Variants in CPSF6 observed in about 807,000 individuals in gnomAD.
CPSF6 encodes cleavage and polyadenylation specificity factor subunit 6.
In CPSF6, 10 loss-of-function variants were observed where a neutral mutation model predicts 56.7. That is an observed-to-expected ratio of 0.18 (90% CI 0.11 to 0.30). The LOEUF (loss-of-function observed/expected upper bound fraction) is 0.30. Ranked by LOEUF, CPSF6 falls within the 10% of genes least tolerant of loss-of-function variation. The probability of loss-of-function intolerance (pLI) is 1.00; values close to 1 mark genes in which losing one functional copy is unlikely to be tolerated. For missense variants in CPSF6, 419 were observed against 722.9 expected, an observed-to-expected ratio of 0.58 and a Z score of 4.82; for synonymous variants, 248 against 244.8, an observed-to-expected ratio of 1.01 and a Z score of -0.12.
intron 9 of CPSF6, among the ~76,000 whole-genome samples, chr12:69,264,555 G>C (rs1872886538): frequency 6.6e-6 from 1 of 152,032 alleles, no homozygotes. Flanking sequence ...AACTATTGTT[G>C]ACATTTTTCT....
At chr12:69,239,936 G>A (rs1246637378) in intron 1 of CPSF6, among the ~76,000 whole-genome samples, 2 of 149,766 alleles carry the variant, frequency 1.3e-5, no homozygotes, top group African/African-American at 2.4e-5. Flanking sequence ...GCGCGGACGC[G>A]GGCCGCTGTG....
At chr12:69,257,673 T>C in intron 4 of CPSF6, 59 bp from the exon 5 acceptor site, 1 of 1,491,802 alleles carries the variant, frequency 6.7e-7, no homozygotes, top group Admixed American at 2.1e-5. Context: ...ATAATAGTGG[T>C]TACATTTCAG....
At position 69,257,720 on chromosome 12, in the gene CPSF6, G is replaced by C; in HGVS notation, c.521-12G>C. 1 of 1,595,974 alleles carries C rather than the reference G, an allele frequency of 6.3e-7. No individual in the cohort carries two copies. The highest frequency in any genetic ancestry group is 8.5e-7 in the Non-Finnish European group (1 of 1,173,282). On this transcript the variant is annotated splice_polypyrimidine_tract_variant and intron_variant, in intron 4 of 9. Transcript: ENST00000435070. ...TAATAAGTGCTATTTATGAGTATTT[G>C]GATATTTGCAGCTACACAATCAGGA...
chr12:69,261,799 T>G (rs1400948754), intron 8 of CPSF6, among the ~76,000 whole-genome samples: 2 of 152,222 alleles, frequency 1.3e-5, no homozygotes, highest in African/African-American at 4.8e-5. Context: ...TTCTACTTAT[T>G]AAATACAATG....
At chr12:69,266,628 C>CA (rs1873000179) in intron 9 of CPSF6, among the ~76,000 whole-genome samples, 1 of 151,916 alleles carries the variant, frequency 6.6e-6, no homozygotes, top group South Asian at 2.1e-4. Flanking sequence ...ACCTAATAAC[C>CA]AAAAAGGGGT....
Position 69,258,112 on chromosome 12 carries a change from A to C in CPSF6, c.694+207A>C. On this transcript the variant is annotated intron_variant, in intron 5 of 9. Transcript: ENST00000435070. The surrounding 1 kb of genome is among the most constrained non-coding windows in gnomAD (Gnocchi z 4.2). ...TAGGATTCCATGGCATATGGGGCAC[A>C]GCATAGAGGAAATACCCATTTTTGG... 1 of 1,536,006 alleles carries C rather than the reference A, an allele frequency of 6.5e-7. No homozygotes were observed. Among genetic ancestry groups the C allele is most frequent in the Non-Finnish European group, 8.7e-7 (1 of 1,146,546 alleles).
rs184440680 is a variant in CPSF6, at chr12:69,252,380, T to A, written c.271-671T>A. Among the ~76,000 whole-genome samples, 3 of 152,330 alleles carry A rather than the reference T, an allele frequency of 2.0e-5. No homozygotes were observed. The East Asian group carries it at 5.8e-4, about 29-fold the overall frequency. On this transcript the variant is annotated intron_variant, in intron 2 of 9. Coordinates refer to ENST00000435070, the MANE Select transcript of CPSF6 (RefSeq NM_007007.3). ...TTATGGTGCCCAGCCTATTTACATT[T>A]CTTTTAAAACTAAATGTAACAGATC...
rs1169194998 is a variant in CPSF6, at chr12:69,251,986, TA to T, written c.270+653del. On this transcript the variant is annotated intron_variant, in intron 2 of 9. Coordinates refer to ENST00000435070, the MANE Select transcript of CPSF6 (RefSeq NM_007007.3). Reference sequence around the variant, plus strand: ...CTTAGTTATATGTATACTTGAAAGTTAAAAACTTGTATATGCAAAAATCAAT... The same window carrying T: ...CTTAGTTATATGTATACTTGAAAGTTAAAACTTGTATATGCAAAAATCAAT... The T allele has an allele frequency of 3.7e-5, 17 of 455,380 alleles. No individual in the cohort carries two copies. The Admixed American group carries it at 4.0e-4, about 11-fold the overall frequency. The allele number at this position is 455,380 out of a possible 1,614,324, so 28.2% of individuals were successfully genotyped here.
intron 1 of CPSF6, among the ~76,000 whole-genome samples, chr12:69,244,864 C>T (rs1190596019): frequency 6.6e-6 from 1 of 152,080 alleles, no homozygotes; most frequent in Admixed American, 6.5e-5. Context: ...GGATAACTGC[C>T]TTCTTCTGTA....
At chr12:69,260,513 T>C (rs1243520259) in intron 8 of CPSF6, among the ~76,000 whole-genome samples, 2 of 152,180 alleles carry the variant, frequency 1.3e-5, no homozygotes, top group Non-Finnish European at 1.5e-5. Context: ...TCCTTTTCTT[T>C]AGGTACACCA....
At position 69,258,306 on chromosome 12, in the gene CPSF6, A is replaced by C. The variant is rs952550348; in HGVS notation, c.695-284A>C. 2 of 601,294 alleles carry C rather than the reference A, an allele frequency of 3.3e-6. No individual in the cohort carries two copies. Among genetic ancestry groups the C allele is most frequent in the Non-Finnish European group, 5.7e-6 (2 of 348,120 alleles). 37.2% of individuals were successfully genotyped at this position (601,294 alleles called of 1,614,324 possible). On this transcript the variant is annotated intron_variant, in intron 5 of 9. Coordinates refer to ENST00000435070, the MANE Select transcript of CPSF6 (RefSeq NM_007007.3). This position sits in a 1 kb window ranked among gnomAD's most constrained non-coding sequence, Gnocchi z 4.2. ...ATAAGGTGGGTGATTTCACTGTAAG[A>C]AGTGTGTGTACACGGAAAGATGGAA...
intron 1 of CPSF6, among the ~76,000 whole-genome samples, chr12:69,240,439 C>A (rs1245356349): frequency 6.6e-6 from 1 of 152,162 alleles, no homozygotes; most frequent in Non-Finnish European, 1.5e-5. Context: ...TAATCCAGGG[C>A]TTGCAGTGCT....
chr12:69,253,238 T>TTACACATGTA, intron 3 of CPSF6, 84 bp downstream of exon 3: 1 of 718,942 alleles, frequency 1.4e-6, no homozygotes, highest in Non-Finnish European at 2.4e-6. Flanking sequence ...TTAATGTTAA[T>TTACACATGTA]TACACATGTA....
chr12:69,253,238 T>C, intron 3 of CPSF6, 84 bp downstream of exon 3: 4 of 718,936 alleles, frequency 5.6e-6, no homozygotes, highest in Non-Finnish European at 9.5e-6. Context: ...TTAATGTTAA[T>C]TACACATGTA....
chr12:69,267,167 A>G (rs1315168187), intron 9 of CPSF6, among the ~76,000 whole-genome samples: 1 of 152,044 alleles, frequency 6.6e-6, no homozygotes, highest in Non-Finnish European at 1.5e-5. Flanking sequence ...GTGAAAATCT[A>G]TAAAAGTGCC....
intron 3 of CPSF6, among the ~76,000 whole-genome samples, chr12:69,256,408 T>A (rs1872511361): frequency 6.6e-6 from 1 of 152,228 alleles, no homozygotes; most frequent in African/African-American, 2.4e-5. Context: ...ACTCGTATAG[T>A]TAAGAAATAT....
At position 69,253,114 on chromosome 12, in the gene CPSF6, A is replaced by T. The variant is rs377041024; in HGVS notation, c.334A>T (p.Ile112Leu). The T allele has an allele frequency of 1.2e-6, 2 of 1,603,050 alleles. No homozygotes were observed. Among genetic ancestry groups the T allele is most frequent in the Non-Finnish European group, 8.5e-7 (1 of 1,175,496 alleles). The change falls in exon 3 of 10, where the codon ATA (isoleucine) becomes TTA (leucine). Residue 112 changes from isoleucine (I) to leucine (L), a missense_variant. By Grantham distance (5) the Ile-to-Leu change is conservative. Around this residue, in one of 4 missense-constraint regions of CPSF6, gnomAD observed 125 missense variants for 216.4 expected, o/e 0.58. Coordinates refer to ENST00000435070, the MANE Select transcript of CPSF6 (RefSeq NM_007007.3). Reference protein sequence around the residue: ...HSLGVNDILEIKFFENRANGQ... With the variant: ...HSLGVNDILELKFFENRANGQ... ...TTTGGGAGTAAATGATATTTTGGAG[A>T]TAAAATTTTTTGAAAATCGGGCAAA...
rs746986755 is a variant in CPSF6 at position 69,260,041 on chromosome 12, C to T, written c.1316-3C>T. The T allele has an allele frequency of 1.2e-6, 2 of 1,611,166 alleles. No individual in the cohort carries two copies. Among genetic ancestry groups the T allele is most frequent in the Non-Finnish European group, 8.5e-7 (1 of 1,179,256 alleles). On this transcript the variant is annotated splice_polypyrimidine_tract_variant and splice_region_variant and intron_variant, in intron 7 of 9. Transcript: ENST00000435070. ...ACTTCAAACCCTTTCCTTTCCCTCA[C>T]AGGTGATTATGGGAGTGCTATTGAG...
At chr12:69,263,473 G>C (rs1407377609) in intron 9 of CPSF6, among the ~76,000 whole-genome samples, 2 of 151,780 alleles carry the variant, frequency 1.3e-5, no homozygotes, top group African/African-American at 4.8e-5. Context: ...GCACTATAAG[G>C]CTTATGCATG....
Sources: allele counts gnomAD v4.1 joint callset (sites outside exome capture counted in the v4.1 genomes callset), GRCh38; gene constraint gnomAD v4.1.1; regional missense constraint gnomAD v4.1.1; non-coding constraint Gnocchi (gnomAD v3.1); transcripts MANE v1.5; gene names NCBI Gene and HGNC (gene_info 2026-07-23, HGNC 2026-07-21).